DCLK2: variants seen among roughly 807,000 people sequenced by gnomAD.
The protein encoded by DCLK2 is doublecortin like kinase 2.
In DCLK2, 31 loss-of-function variants were observed where a neutral mutation model predicts 78.4. The observed-to-expected ratio is 0.40, with a 90% CI of 0.30 to 0.53. The LOEUF is 0.53. DCLK2 is among the 20% of genes least tolerant of loss of function. The pLI, the probability that DCLK2 is intolerant of heterozygous loss-of-function variation, is 0.61. For synonymous variants in DCLK2, 407 were observed against 374.9 expected, an observed-to-expected ratio of 1.09 and a Z score of -0.99; for missense variants, 872 against 973.7, an observed-to-expected ratio of 0.90 and a Z score of 1.39.
chr4:150,143,980 A>G (rs1226641685), intron 2 of DCLK2, among the ~76,000 whole-genome samples: 1 of 151,538 alleles, frequency 6.6e-6, no homozygotes, highest in Non-Finnish European at 1.5e-5. Flanking sequence ...ATTTTTTCCC[A>G]TTCTGTAGGT....
At chr4:150,113,039 G>C (rs1731808754) in intron 2 of DCLK2, among the ~76,000 whole-genome samples, 1 of 151,996 alleles carries the variant, frequency 6.6e-6, no homozygotes. Context: ...TCTAATTCCT[G>C]ACCTCAGGTG....
At chr4:150,182,466 A>G (rs890488978) in intron 2 of DCLK2, among the ~76,000 whole-genome samples, 2 of 152,186 alleles carry the variant, frequency 1.3e-5, no homozygotes, top group African/African-American at 2.4e-5. Flanking sequence ...TGTTGATTTT[A>G]TAGCCTTCAA....
At chr4:150,214,684 G>A (rs973109111) in intron 5 of DCLK2, among the ~76,000 whole-genome samples, 1 of 151,958 alleles carries the variant, frequency 6.6e-6, no homozygotes, top group Non-Finnish European at 1.5e-5. Flanking sequence ...CTGACCTGCC[G>A]GGCACGATGG....
rs905696183 is a variant in DCLK2, at chr4:150,240,431, G to A, written c.1733G>A (p.Gly578Asp). ...YGLKVDIWAA[G>D]VITYILLCGF... is the part of the protein sequence containing the mutation. ...CTGAAGGTGGACATTTGGGCAGCTGGTGTGATCACATACATACTTCTCTGT... is the reference window on the plus strand; with the variant it reads ...CTGAAGGTGGACATTTGGGCAGCTGATGTGATCACATACATACTTCTCTGT... The change falls in exon 12 of 16, where the codon GGT (glycine) becomes GAT (aspartate). Residue 578 changes from glycine (G) to aspartate (D), a missense_variant. By Grantham distance (94) the Gly-to-Asp change is moderately conservative. Coordinates refer to ENST00000296550, the MANE Select transcript of DCLK2 (RefSeq NM_001040260.4). 1 of 1,613,770 alleles carries A rather than the reference G, an allele frequency of 6.2e-7. No homozygotes were observed. The highest frequency in any genetic ancestry group is 1.3e-5 in the African/African-American group (1 of 74,882).
chr4:150,121,361 G>A (rs1732525552), intron 2 of DCLK2, among the ~76,000 whole-genome samples: 1 of 152,154 alleles, frequency 6.6e-6, no homozygotes, highest in South Asian at 2.1e-4. Flanking sequence ...TTTCAACAAT[G>A]TTCATGGCAT....
In DCLK2 at chr4:150,212,365, G is replaced by A. The variant is rs976004760; in HGVS notation, c.1057-8338G>A. 4.6e-5 allele frequency among the ~76,000 whole-genome samples: 7 copies of A among 152,294 alleles called. No individual in the cohort carries two copies. The South Asian group carries it at 1.4e-3, about 32-fold the overall frequency. On this transcript the variant is annotated intron_variant, in intron 5 of 15. Transcript: ENST00000296550. ...TGTAACTCTTCGACCTTCTGAACTT[G>A]AACACTTCTTTTCGAAGCTGTGAAA... is the stretch of plus-strand genomic sequence containing the variant.
Position 150,249,669 on chromosome 4 carries a change from G to C in DCLK2, c.2058G>C (p.Gly686=), listed in dbSNP as rs1452773054. ...CCAAACAGAACAGCACTACCACCGG[G>C]GTCTCCGTCATCATGGTGAGTGGAA... The part of the protein sequence containing the change: ...ALPKQNSTTT[G]VSVIMNTALD... The change falls in exon 15 of 16, where the codon GGG becomes GGC. Residue 686 remains glycine (G), a synonymous_variant. Transcript: ENST00000296550. The C allele has an allele frequency of 1.9e-6, 3 of 1,613,336 alleles. No homozygotes were observed. The highest frequency in any genetic ancestry group is 1.3e-5 in the African/African-American group (1 of 74,894).
rs4283640 is a variant in DCLK2 at position 150,141,683 on chromosome 4, A to G, written c.756+38871A>G. On this transcript the variant is annotated intron_variant, in intron 2 of 15. Coordinates refer to ENST00000296550, the MANE Select transcript of DCLK2 (RefSeq NM_001040260.4). ...TTTTTAAGATCTTAAGGATTAGACA[A>G]TGATAAACCTGAGGTGTACGTTCAT... 9.1e-3 allele frequency among the ~76,000 whole-genome samples: 1,393 copies of G among 152,338 alleles called. 74 individuals carry two copies. In the East Asian group the frequency reaches 0.15, roughly 17 times the overall value.
intron 2 of DCLK2, among the ~76,000 whole-genome samples, chr4:150,130,123 G>A (rs906876300): frequency 2.6e-5 from 4 of 152,134 alleles, no homozygotes; most frequent in Admixed American, 6.5e-5. Flanking sequence ...CAAACATCCA[G>A]TCTATTTAAT....
At chr4:150,210,547 G>T (rs1740215393) in intron 5 of DCLK2, among the ~76,000 whole-genome samples, 1 of 152,158 alleles carries the variant, frequency 6.6e-6, no homozygotes. Context: ...GCTGAGGCAG[G>T]AGAATTGCTT....
In DCLK2 at chr4:150,079,289, G is replaced by C; in HGVS notation, c.262G>C (p.Val88Leu). The change falls in exon 1 of 16, where the codon GTG becomes CTG. Residue 88 changes from valine to leucine, a missense_variant. Val to Leu is a conservative substitution (Grantham distance 32). Around this residue, in one of 3 missense-constraint regions of DCLK2, gnomAD observed 567 missense variants for 593.4 expected, o/e 0.96. Transcript: ENST00000296550. Reference protein sequence around the residue: ...RNGDRYFKGLVFAISSDRFRS... With the variant: ...RNGDRYFKGLLFAISSDRFRS... Reference sequence around the variant, plus strand: ...CGGGGACCGCTACTTCAAGGGCCTGGTGTTTGCCATCTCCAGCGACCGCTT... The same window carrying C: ...CGGGGACCGCTACTTCAAGGGCCTGCTGTTTGCCATCTCCAGCGACCGCTT... 6.2e-7 allele frequency: 1 copy of C among 1,600,296 alleles called. No individual in the cohort carries two copies. Among genetic ancestry groups the C allele is most frequent in the Non-Finnish European group, 8.5e-7 (1 of 1,173,714 alleles).
chr4:150,254,829 G>A (rs567214832), intron 15 of DCLK2, among the ~76,000 whole-genome samples: 33 of 152,198 alleles, frequency 2.2e-4, no homozygotes, highest in Admixed American at 4.6e-4. Flanking sequence ...ACAGGTGCAC[G>A]CCACCTTGCC....
At chr4:150,203,277 C>T (rs951697476) in intron 4 of DCLK2, among the ~76,000 whole-genome samples, 3 of 152,156 alleles carry the variant, frequency 2.0e-5, no homozygotes, top group African/African-American at 7.2e-5. Flanking sequence ...ACAAGGAAAA[C>T]TACCAGCAAA....
rs1465162649 is a variant in DCLK2 at position 150,093,958 on chromosome 4, G to A, written c.422-8520G>A. The stretch of plus-strand genomic sequence containing the variant: ...ACAGGGTTGCCAAGAATACACAATG[G>A]GGAAAGGACAGATTCTTCAACAAAT... On this transcript the variant is annotated intron_variant, in intron 1 of 15. Transcript: ENST00000296550. 2.0e-5 allele frequency among the ~76,000 whole-genome samples: 3 copies of A among 152,254 alleles called. No homozygotes were observed. The East Asian group carries it at 5.8e-4, about 29-fold the overall frequency.
chr4:150,079,371 A>G lies in DCLK2; in HGVS notation c.344A>G (p.Asn115Ser). 1 of 1,588,862 alleles carries G rather than the reference A, an allele frequency of 6.3e-7. No individual in the cohort carries two copies. Among genetic ancestry groups the G allele is most frequent in the Non-Finnish European group, 8.6e-7 (1 of 1,167,862 alleles). Residue 115 changes from asparagine to serine, a missense_variant, in exon 1 of 16, where the codon AAC becomes AGC. Asn to Ser is a conservative substitution (Grantham distance 46). Coordinates refer to ENST00000296550, the MANE Select transcript of DCLK2 (RefSeq NM_001040260.4). ...ACCCGCTCCCTGTCGGACAACGTGA[A>G]CCTGCCCCAGGGTGTCCGCACTATC... ...ELTRSLSDNV[N>S]LPQGVRTIYT...
intron 12 of DCLK2, among the ~76,000 whole-genome samples, chr4:150,245,099 A>T (rs1743204465): frequency 6.6e-6 from 1 of 152,244 alleles, no homozygotes; most frequent in Non-Finnish European, 1.5e-5. Flanking sequence ...GAAGTTTTCC[A>T]CTAAATCTAA....
intron 2 of DCLK2, among the ~76,000 whole-genome samples, chr4:150,123,739 C>T (rs1011250357): frequency 1.2e-4 from 18 of 152,060 alleles, no homozygotes; most frequent in African/African-American, 4.3e-4. Flanking sequence ...TGCAGTTTTT[C>T]AGATTTAAAA....
intron 2 of DCLK2, among the ~76,000 whole-genome samples, chr4:150,112,237 G>T (rs1731746905): frequency 1.3e-5 from 2 of 152,114 alleles, no homozygotes; most frequent in African/African-American, 4.8e-5. Context: ...TTGTATAAAG[G>T]ATTGGAGTCT....
rs1742142141 is a variant in DCLK2 at position 150,232,362 on chromosome 4, C to T, written c.1325C>T (p.Ser442Leu). Residue 442 changes from serine to leucine, a missense_variant, in exon 9 of 16, where the codon TCA becomes TTA. By Grantham distance (145) the Ser-to-Leu change is moderately radical. This residue lies in a region of DCLK2 where 567 missense variants were observed against 593.4 expected (regional missense o/e 0.96). Coordinates refer to ENST00000296550, the MANE Select transcript of DCLK2 (RefSeq NM_001040260.4). ...GKEHLIENEV[S>L]ILRRVKHPNI... is the part of the protein sequence containing the mutation. The stretch of plus-strand genomic sequence containing the variant: ...GAACACCTGATTGAGAATGAAGTGT[C>T]AATACTGCGCCGAGTGAAACATCCC... 5.6e-6 allele frequency: 9 copies of T among 1,614,050 alleles called. No individual in the cohort carries two copies. The highest frequency in any genetic ancestry group is 5.1e-6 in the Non-Finnish European group (6 of 1,179,956).
Sources: allele counts gnomAD v4.1 joint callset (sites outside exome capture counted in the v4.1 genomes callset), GRCh38; gene constraint gnomAD v4.1.1; regional missense constraint gnomAD v4.1.1; transcripts MANE v1.5; gene names NCBI Gene and HGNC (gene_info 2026-07-23, HGNC 2026-07-21).